The following MTUS2 variants were observed in gnomAD, a reference collection of about 807,000 sequenced individuals.
MTUS2 encodes microtubule-associated tumor suppressor candidate 2.
A neutral mutation model predicts 114.1 loss-of-function variants in MTUS2; 40 were observed. The ratio of observed to expected loss-of-function variants is 0.35; its 90% confidence interval spans 0.27 to 0.46. The LOEUF is 0.46. Ranked by LOEUF, MTUS2 falls within the 20% of genes least tolerant of loss-of-function variation. The probability of loss-of-function intolerance (pLI) is 1.00; values close to 1 mark genes in which losing one functional copy is unlikely to be tolerated. For synonymous variants in MTUS2, 688 were observed against 672.0 expected, an observed-to-expected ratio of 1.02 and a Z score of -0.37; for missense variants, 1,679 against 1,705.4, an observed-to-expected ratio of 0.98 and a Z score of 0.27.
intron 9 of MTUS2, among the ~76,000 whole-genome samples, chr13:29,442,282 C>A (rs1877945310): frequency 6.6e-6 from 1 of 152,158 alleles, no homozygotes; most frequent in African/African-American, 2.4e-5. Flanking sequence ...AAATACCTCC[C>A]AGCTCTATTT....
chr13:28,979,967 T>G (rs1884283395), intron 2 of MTUS2, among the ~76,000 whole-genome samples: 1 of 152,090 alleles, frequency 6.6e-6, no homozygotes, highest in Non-Finnish European at 1.5e-5. Context: ...AGAAGAGAAT[T>G]AGGGAGGTAC....
intron 5 of MTUS2, among the ~76,000 whole-genome samples, chr13:29,210,128 C>G (rs534254243): frequency 6.6e-5 from 10 of 152,010 alleles, no homozygotes; most frequent in Non-Finnish European, 1.0e-4. Flanking sequence ...TTTTAAAATT[C>G]TTTTTTCTTT....
At chr13:28,849,595 A>G (rs915642070) in intron 2 of MTUS2, among the ~76,000 whole-genome samples, 1 of 152,210 alleles carries the variant, frequency 6.6e-6, no homozygotes, top group African/African-American at 2.4e-5. Context: ...AGATATAACT[A>G]CAGCCAGCTC....
chr13:29,084,351 C>T (rs1202682587), intron 4 of MTUS2, among the ~76,000 whole-genome samples: 2 of 151,190 alleles, frequency 1.3e-5, no homozygotes, highest in Non-Finnish European at 2.9e-5. Context: ...TTCTTCTTCC[C>T]TCCACCCTCC....
intron 5 of MTUS2, among the ~76,000 whole-genome samples, chr13:29,177,954 A>T (rs892561890): frequency 2.6e-5 from 4 of 152,184 alleles, no homozygotes; most frequent in African/African-American, 9.6e-5. Flanking sequence ...GAAAGAAGAT[A>T]CAAAATTTTG....
intron 2 of MTUS2, among the ~76,000 whole-genome samples, chr13:28,958,318 T>C (rs530297713): frequency 1.3e-5 from 2 of 152,368 alleles, no homozygotes; most frequent in Admixed American, 1.3e-4. Context: ...GCAAGCCTAC[T>C]GCTTGCTTGA....
At chr13:28,878,318 T>C (rs143671129) in intron 2 of MTUS2, among the ~76,000 whole-genome samples, 1 of 151,990 alleles carries the variant, frequency 6.6e-6, no homozygotes, top group Non-Finnish European at 1.5e-5. Flanking sequence ...CACACACATA[T>C]ACATTTTTTG....
chr13:29,331,159 G>A (rs531598741), intron 7 of MTUS2, among the ~76,000 whole-genome samples: 1 of 152,256 alleles, frequency 6.6e-6, no homozygotes, highest in Non-Finnish European at 1.5e-5. Context: ...CACATCCCTT[G>A]TAAGTTGTCT....
intron 4 of MTUS2, among the ~76,000 whole-genome samples, chr13:29,047,278 T>G (rs1887668324): frequency 6.6e-6 from 1 of 152,098 alleles, no homozygotes; most frequent in Admixed American, 6.5e-5. Context: ...TGAAAGTGAG[T>G]GATGTTGCAT....
chr13:29,276,982 T>C (rs1898090377), intron 5 of MTUS2, among the ~76,000 whole-genome samples: 1 of 152,060 alleles, frequency 6.6e-6, no homozygotes. Context: ...TGACATATGA[T>C]TGTTTACTGG....
intron 2 of MTUS2, among the ~76,000 whole-genome samples, chr13:28,965,612 A>G (rs904057187): frequency 2.0e-5 from 3 of 151,996 alleles, no homozygotes; most frequent in African/African-American, 2.4e-5. Context: ...ATATACATAT[A>G]TGTGTGTGTG....
At chr13:28,858,000 A>G (rs1036749402) in intron 2 of MTUS2, among the ~76,000 whole-genome samples, 4 of 152,206 alleles carry the variant, frequency 2.6e-5, no homozygotes, top group Admixed American at 2.0e-4. Flanking sequence ...TACGATTGCA[A>G]CAGCACTGGG....
rs1386018953 is a variant in MTUS2, at chr13:29,181,002, G to GTCA, written c.2644+80033_2644+80034insCAT. On this transcript the variant is annotated intron_variant, in intron 5 of 15. Transcript: ENST00000612955. Reference sequence around the variant, plus strand: ...TCCTGAAAAAAAAATTATCTTGCCTGTTGAACTCTTTCTATAGCATAGAGT... The same window carrying GTCA: ...TCCTGAAAAAAAAATTATCTTGCCTGTCATTGAACTCTTTCTATAGCATAGAGT... 2.0e-5 allele frequency among the ~76,000 whole-genome samples: 3 copies of GTCA among 152,176 alleles called. No homozygotes were observed. The East Asian group carries it at 5.8e-4, about 29-fold the overall frequency.
intron 12 of MTUS2, among the ~76,000 whole-genome samples, chr13:29,494,951 T>C (rs186032098): frequency 6.6e-6 from 1 of 151,766 alleles, no homozygotes; most frequent in East Asian, 1.9e-4. Context: ...TTTGGGAGGC[T>C]GAGGCGGGCA....
intron 8 of MTUS2, 24 bp downstream of exon 8, chr13:29,359,497 C>A: frequency 6.3e-7 from 1 of 1,593,916 alleles, no homozygotes; most frequent in Non-Finnish European, 8.5e-7. Flanking sequence ...TCGTGAAGGT[C>A]CAAGGGCATT....
chr13:28,979,862 A>G (rs893703700), intron 2 of MTUS2, among the ~76,000 whole-genome samples: 1 of 152,206 alleles, frequency 6.6e-6, no homozygotes, highest in Admixed American at 6.5e-5. Flanking sequence ...ATAATGTTTT[A>G]AAATTTGGAG....
chr13:28,881,230 G>A (rs1291073016), intron 2 of MTUS2, among the ~76,000 whole-genome samples: 1 of 152,174 alleles, frequency 6.6e-6, no homozygotes. Context: ...TGCGGTATTT[G>A]ATTTTCTGTT....
intron 2 of MTUS2, among the ~76,000 whole-genome samples, chr13:28,900,088 A>T (rs537278431): frequency 6.6e-5 from 10 of 152,176 alleles, no homozygotes; most frequent in Admixed American, 6.5e-4. Flanking sequence ...GGGTTTCACC[A>T]TGTCGGCCAG....
At chr13:28,871,845 A>G (rs899154829) in intron 2 of MTUS2, among the ~76,000 whole-genome samples, 3 of 152,154 alleles carry the variant, frequency 2.0e-5, no homozygotes, top group African/African-American at 4.8e-5. Context: ...CACCATTCCA[A>G]TATCTCAGGG....
Sources: gnomAD v4.1 joint callset for allele counts (sites outside exome capture counted in the v4.1 genomes callset) on GRCh38, gnomAD v4.1.1 for gene constraint, MANE v1.5 for transcripts, NCBI Gene and HGNC (gene_info 2026-07-23, HGNC 2026-07-21) for gene names.